Variants in AUTS2 observed in about 807,000 individuals in gnomAD.
AUTS2 encodes autism susceptibility gene 2 protein.
AUTS2 carries 17 observed loss-of-function variants against 112.4 expected under a neutral mutation model. That is an observed-to-expected ratio of 0.15 (90% CI 0.10 to 0.23). The LOEUF (loss-of-function observed/expected upper bound fraction) is 0.23. AUTS2 is among the 10% of genes least tolerant of loss of function. The probability of loss-of-function intolerance (pLI) is 1.00; values close to 1 mark genes in which losing one functional copy is unlikely to be tolerated. For missense variants in AUTS2, 1,510 were observed against 1,701.6 expected (o/e 0.89, Z 1.98); for synonymous variants, 751 against 702.7 (o/e 1.07, Z -1.09).
intron 5 of AUTS2, among the ~76,000 whole-genome samples, chr7:70,650,187 G>A (rs1806421804): frequency 6.6e-6 from 1 of 152,166 alleles, no homozygotes; most frequent in South Asian, 2.1e-4. Flanking sequence ...TTTATCAGGA[G>A]GAAATTCTTT....
At chr7:70,345,526 T>A (rs1043935783) in intron 4 of AUTS2, among the ~76,000 whole-genome samples, 21 of 152,294 alleles carry the variant, frequency 1.4e-4, no homozygotes, top group African/African-American at 5.1e-4. Flanking sequence ...ATGCCCTTTC[T>A]CCCTTCTTAT....
chr7:70,633,264 T>C (rs1805363022), intron 5 of AUTS2, among the ~76,000 whole-genome samples: 1 of 152,132 alleles, frequency 6.6e-6, no homozygotes, highest in South Asian at 2.1e-4. Flanking sequence ...ACAGCACAGC[T>C]CACTCACCCA....
chr7:69,638,912 A>G (rs1026878175), intron 1 of AUTS2, among the ~76,000 whole-genome samples: 14 of 152,254 alleles, frequency 9.2e-5, no homozygotes, highest in Admixed American at 2.0e-4. Flanking sequence ...GTGTTTCTCT[A>G]GGAAGTAGCT....
At chr7:70,770,710 G>C (rs528423409) in intron 10 of AUTS2, among the ~76,000 whole-genome samples, 32 of 152,266 alleles carry the variant, frequency 2.1e-4, no homozygotes, top group South Asian at 2.1e-4. Context: ...GGCTTGGCTT[G>C]AGTATCCTCC....
intron 1 of AUTS2, among the ~76,000 whole-genome samples, chr7:69,861,390 G>A (rs1190596788): frequency 3.3e-5 from 5 of 152,090 alleles, no homozygotes; most frequent in African/African-American, 1.2e-4. Flanking sequence ...CTTGCCTGTG[G>A]ATGTTCCCTA....
intron 2 of AUTS2, among the ~76,000 whole-genome samples, chr7:69,996,090 T>G (rs1798933064): frequency 6.6e-6 from 1 of 152,212 alleles, no homozygotes; most frequent in South Asian, 2.1e-4. Flanking sequence ...CGTAAGGAGC[T>G]TCTAAGCTCC....
chr7:70,577,650 C>A (rs1563052868), intron 5 of AUTS2, among the ~76,000 whole-genome samples: 2 of 152,152 alleles, frequency 1.3e-5, no homozygotes, highest in Non-Finnish European at 2.9e-5. Flanking sequence ...GATGTATAGC[C>A]ACAGCTACGG....
chr7:70,675,230 C>T (rs1031776958), intron 5 of AUTS2, among the ~76,000 whole-genome samples: 15 of 152,164 alleles, frequency 9.9e-5, no homozygotes, highest in Admixed American at 3.9e-4. Context: ...CAGTGGCTCA[C>T]GCCTGTAATC....
chr7:70,432,535 G>C (rs952758665), intron 4 of AUTS2, among the ~76,000 whole-genome samples: 1 of 152,196 alleles, frequency 6.6e-6, no homozygotes, highest in Non-Finnish European at 1.5e-5. Flanking sequence ...ACCGCTGCCA[G>C]TGAAGCAGAA....
intron 5 of AUTS2, among the ~76,000 whole-genome samples, chr7:70,577,870 G>A (rs1411663863): frequency 5.4e-5 from 8 of 147,928 alleles, no homozygotes; most frequent in African/African-American, 2.0e-4. Flanking sequence ...TTGCTCTGTC[G>A]CCCAGGCTGG....
chr7:69,852,172 A>T (rs547043047), intron 1 of AUTS2, among the ~76,000 whole-genome samples: 1 of 152,268 alleles, frequency 6.6e-6, no homozygotes, highest in South Asian at 2.1e-4. Context: ...TTTTATAAAT[A>T]TGTATTGAAT....
At chr7:69,610,586 T>C (rs1323559054) in intron 1 of AUTS2, among the ~76,000 whole-genome samples, 2 of 152,202 alleles carry the variant, frequency 1.3e-5, no homozygotes, top group Non-Finnish European at 2.9e-5. Context: ...CCCGTGCTCC[T>C]GGAAGACAGT....
At chr7:70,057,139 G>A (rs920040365) in intron 2 of AUTS2, among the ~76,000 whole-genome samples, 6 of 152,104 alleles carry the variant, frequency 3.9e-5, no homozygotes, top group Admixed American at 6.5e-5. Flanking sequence ...CGCATACAAA[G>A]CAGGTTTCTT....
rs376723678 is a variant in AUTS2 at position 70,288,789 on chromosome 7, A to G, written c.661-146963A>G. ...AAAATTCTAAAACTGAGCTAGTGAG[A>G]ATGCATATAAAATAGGGGTCTGGTA... On this transcript the variant is annotated intron_variant, in intron 4 of 18. Coordinates refer to ENST00000342771, the MANE Select transcript of AUTS2 (RefSeq NM_015570.4). Among the ~76,000 whole-genome samples, 4 of 152,338 alleles carry G rather than the reference A, an allele frequency of 2.6e-5. No homozygotes were observed. The East Asian group carries it at 5.8e-4, about 22-fold the overall frequency.
intron 5 of AUTS2, among the ~76,000 whole-genome samples, chr7:70,621,444 T>C (rs1804669157): frequency 6.6e-6 from 1 of 152,238 alleles, no homozygotes. Flanking sequence ...TAAGCCCAGT[T>C]CTTTCCAAAT....
intron 4 of AUTS2, among the ~76,000 whole-genome samples, chr7:70,262,893 C>A (rs1191490759): frequency 1.3e-5 from 2 of 151,996 alleles, no homozygotes; most frequent in African/African-American, 4.8e-5. Context: ...CCCTTGGGGC[C>A]CACTGTGATA....
At chr7:69,876,529 TATATATATATA>T (rs1793807589) in intron 1 of AUTS2, among the ~76,000 whole-genome samples, 28 of 69,406 alleles carry the variant, frequency 4.0e-4, no homozygotes, top group Admixed American at 1.5e-3. Context: ...TATATATATA[TATATATATATA>T]TATATTTTCA....
rs190017964 is a variant in AUTS2, at chr7:70,169,784, G to A, written c.660+35213G>A. Among the ~76,000 whole-genome samples, 180 of 152,164 alleles carry A rather than the reference G, an allele frequency of 1.2e-3. 2 individuals are homozygous for A. Among genetic ancestry groups the A allele is most frequent in the African/African-American group, 4.1e-3 (170 of 41,504 alleles). Reference sequence around the variant, plus strand: ...ATTCAACATATAAAATTGTCTTCACGAGAAACATTACGGGGTATGATTTTG... The same window carrying A: ...ATTCAACATATAAAATTGTCTTCACAAGAAACATTACGGGGTATGATTTTG... On this transcript the variant is annotated intron_variant, in intron 4 of 18. Transcript: ENST00000342771.
intron 2 of AUTS2, among the ~76,000 whole-genome samples, chr7:70,078,447 G>A (rs760116887): frequency 6.6e-6 from 1 of 152,194 alleles, no homozygotes; most frequent in Non-Finnish European, 1.5e-5. Context: ...GGTTGCTCAT[G>A]GGTGACTGAA....
Sources: gnomAD v4.1 joint callset for allele counts (sites outside exome capture counted in the v4.1 genomes callset) on GRCh38, gnomAD v4.1.1 for gene constraint, MANE v1.5 for transcripts, NCBI Gene and HGNC (gene_info 2026-07-23, HGNC 2026-07-21) for gene names.